ZNF541: variants seen among roughly 807,000 people sequenced by gnomAD.
ZNF541 encodes the protein zinc finger protein 541.
A neutral mutation model predicts 123.5 loss-of-function variants in ZNF541; 23 were observed. The observed-to-expected ratio is 0.19, with a 90% CI of 0.13 to 0.26. ZNF541 has a LOEUF of 0.26. Among genes scored for constraint, ZNF541 ranks in the 10% least tolerant of loss-of-function variants. The pLI, the probability that ZNF541 is intolerant of heterozygous loss-of-function variation, is 1.00. For missense variants in ZNF541, 1,612 were observed against 1,789.9 expected (o/e 0.90, Z 1.79); for synonymous variants, 751 against 754.5 (o/e 1.00, Z 0.08).
chr19:47,573,297 C>T (rs1441259974), upstream of ZNF541, among the ~76,000 whole-genome samples: 4 of 151,964 alleles, frequency 2.6e-5, no homozygotes, highest in African/African-American at 7.2e-5. Flanking sequence ...CGCGCGCTCT[C>T]GGCTGCTTCT....
Position 47,544,254 on chromosome 19 carries a change from T to G in ZNF541, c.2275A>C (p.Lys759Gln). The G allele has an allele frequency of 6.4e-7, 1 of 1,551,562 alleles. No individual in the cohort carries two copies. Among genetic ancestry groups the G allele is most frequent in the Non-Finnish European group, 8.7e-7 (1 of 1,147,004 alleles). The change falls in exon 5 of 17, where the codon AAA becomes CAA. Residue 759 changes from lysine (K) to glutamine (Q), a missense_variant. Physicochemically the swap from Lys to Gln is moderately conservative, Grantham distance 53. Transcript: ENST00000391901. ...PRAPRFSGFR[K>Q]EKAKMDMCCA... The stretch of plus-strand genomic sequence containing the variant: ...CACATATCCATCTTCGCCTTCTCTT[T>G]CCGGAAGCCGGAGAATCGCGGGGCC...
At chr19:47,564,287 C>T (rs1483951320) in intron 2 of ZNF541, among the ~76,000 whole-genome samples, 1 of 152,234 alleles carries the variant, frequency 6.6e-6, no homozygotes, top group Non-Finnish European at 1.5e-5. Flanking sequence ...GTTACAACCT[C>T]AGACAGGCAA....
chr19:47,533,547 A>C (rs2122989719), intron 9 of ZNF541, among the ~76,000 whole-genome samples: 1 of 151,946 alleles, frequency 6.6e-6, no homozygotes, highest in African/African-American at 2.4e-5. Flanking sequence ...ATATTCATTA[A>C]AAAAAATCAA....
At chr19:47,534,313 A>C (rs1033380241) in intron 9 of ZNF541, among the ~76,000 whole-genome samples, 3 of 152,190 alleles carry the variant, frequency 2.0e-5, no homozygotes, top group African/African-American at 7.2e-5. Context: ...AGCTACATGT[A>C]ACAGGAGTAC....
chr19:47,555,419 G>A (rs1970777546), intron 3 of ZNF541, 131 bp downstream of exon 3: 14 of 721,038 alleles, frequency 1.9e-5, no homozygotes, highest in South Asian at 1.0e-4. Context: ...TAGGAAAAAA[G>A]GTGACTGTTC....
chr19:47,533,742 C>A (rs1319840385), intron 9 of ZNF541, among the ~76,000 whole-genome samples: 1 of 152,056 alleles, frequency 6.6e-6, no homozygotes, highest in Non-Finnish European at 1.5e-5. Context: ...ACTTGGGAGG[C>A]TGAGGCAGGA....
chr19:47,560,540 C>T (rs1004766929), intron 2 of ZNF541, among the ~76,000 whole-genome samples: 1 of 145,668 alleles, frequency 6.9e-6, no homozygotes, highest in African/African-American at 2.6e-5. Context: ...TGCGCCACTG[C>T]ACTCCAGCCT....
intron 2 of ZNF541, among the ~76,000 whole-genome samples, chr19:47,559,423 AAGAC>A (rs761035759): frequency 4.6e-5 from 7 of 151,886 alleles, no homozygotes; most frequent in Non-Finnish European, 7.4e-5. Flanking sequence ...GAAGGAAAGA[AAGAC>A]AGACTCAACT....
At chr19:47,523,339 TAAAA>T (rs75366644) in intron 14 of ZNF541, among the ~76,000 whole-genome samples, 7 of 105,728 alleles carry the variant, frequency 6.6e-5, no homozygotes, top group African/African-American at 2.7e-4. Context: ...GCGTCTCTTT[TAAAA>T]AAAAAAAAAA....
At position 47,545,524 on chromosome 19, in the gene ZNF541, G is replaced by A; in HGVS notation, c.1005C>T (p.Pro335=). ...CTTTCTGTGGGAGGCAAGGCTCCTC[G>A]GGAAGCTCGGTGTCCAGCGCTGCTG... The part of the protein sequence containing the change: ...AAPAALDTEL[P]EEPCLPQKEP... The change falls in exon 5 of 17, where the codon CCC becomes CCT. Residue 335 remains proline (P), a synonymous_variant. Coordinates refer to ENST00000391901, the MANE Select transcript of ZNF541 (RefSeq NM_001277075.3). The surrounding 1 kb of genome is among the most constrained non-coding windows in gnomAD (Gnocchi z 7.5). The A allele has an allele frequency of 6.6e-7, 1 of 1,514,340 alleles. No individual in the cohort carries two copies. The highest frequency in any genetic ancestry group is 8.9e-7 in the Non-Finnish European group (1 of 1,127,056). 93.8% of individuals were successfully genotyped at this position (1,514,340 alleles called of 1,614,324 possible).
chr19:47,549,043 C>T (rs1970484465), intron 4 of ZNF541, among the ~76,000 whole-genome samples: 2 of 147,826 alleles, frequency 1.4e-5, no homozygotes, highest in African/African-American at 4.9e-5. Context: ...CATGCCACTA[C>T]ACTCCAGCCC....
intron 3 of ZNF541, among the ~76,000 whole-genome samples, chr19:47,554,768 T>A (rs979226860): frequency 4.6e-5 from 7 of 152,156 alleles, no homozygotes; most frequent in Non-Finnish European, 1.0e-4. Context: ...TTCTGAACAT[T>A]ATTCCCTAGA....
rs186053404 is a variant in ZNF541 at position 47,565,855 on chromosome 19, G to A, written c.-99+6041C>T. Among the ~76,000 whole-genome samples the A allele has an allele frequency of 2.6e-5, 4 of 152,030 alleles. No homozygotes were observed. The East Asian group carries it at 5.8e-4, about 22-fold the overall frequency. Reference sequence around the variant, plus strand: ...CAATTTAAGTCAACATTGGGGATCCGAAGCAATTTTAATTTTTTTTCTTTT... The same window carrying A: ...CAATTTAAGTCAACATTGGGGATCCAAAGCAATTTTAATTTTTTTTCTTTT... On this transcript the variant is annotated intron_variant, in intron 2 of 16. Coordinates refer to ENST00000391901, the MANE Select transcript of ZNF541 (RefSeq NM_001277075.3).
At chr19:47,531,787 G>A in intron 11 of ZNF541, 42 bp from the exon 12 acceptor site, 1 of 1,494,218 alleles carries the variant, frequency 6.7e-7, no homozygotes, top group East Asian at 2.5e-5. Flanking sequence ...GCACACAGGA[G>A]TCATCAGGTG....
intron 9 of ZNF541, 24 bp from the exon 10 acceptor site, chr19:47,532,996 C>A (rs1407028472): frequency 6.5e-7 from 1 of 1,541,764 alleles, no homozygotes; most frequent in Non-Finnish European, 8.8e-7. Context: ...AGTGAAAAGG[C>A]TCAAGAAGAC....
intron 5 of ZNF541, among the ~76,000 whole-genome samples, chr19:47,541,156 G>A (rs1024861877): frequency 1.3e-5 from 2 of 152,226 alleles, no homozygotes; most frequent in Non-Finnish European, 2.9e-5. Flanking sequence ...GGTGGCTCAT[G>A]CCTGTGATCC....
At chr19:47,567,435 T>C (rs1162491786) in intron 2 of ZNF541, among the ~76,000 whole-genome samples, 1 of 152,110 alleles carries the variant, frequency 6.6e-6, no homozygotes, top group Admixed American at 6.6e-5. Flanking sequence ...ATTTTTGTAT[T>C]TTTAGTAGAG....
At chr19:47,558,212 C>G (rs187136424) in intron 2 of ZNF541, among the ~76,000 whole-genome samples, 8 of 152,032 alleles carry the variant, frequency 5.3e-5, no homozygotes, top group Non-Finnish European at 1.0e-4. Flanking sequence ...GTCAGGAGAT[C>G]GAGACCATCC....
intron 5 of ZNF541, among the ~76,000 whole-genome samples, chr19:47,542,719 G>A (rs932278836): frequency 6.6e-6 from 1 of 152,006 alleles, no homozygotes; most frequent in Non-Finnish European, 1.5e-5. Flanking sequence ...AGGCTGAGGC[G>A]GGTGGATCAC....
Sources: allele counts gnomAD v4.1 joint callset (sites outside exome capture counted in the v4.1 genomes callset), GRCh38; gene constraint gnomAD v4.1.1; non-coding constraint Gnocchi (gnomAD v3.1); transcripts MANE v1.5; gene names NCBI Gene and HGNC (gene_info 2026-07-23, HGNC 2026-07-21).